The following ARHGAP26 variants were observed in gnomAD, a reference collection of about 807,000 sequenced individuals.
The protein encoded by ARHGAP26 is Rho GTPase activating protein 26, also known as rho GTPase-activating protein 26.
A neutral mutation model predicts 104.8 loss-of-function variants in ARHGAP26; 38 were observed. The observed-to-expected ratio is 0.36, with a 90% CI of 0.28 to 0.48. The LOEUF is 0.48. Ranked by LOEUF, ARHGAP26 falls within the 20% of genes least tolerant of loss-of-function variation. The pLI, the probability that ARHGAP26 is intolerant of heterozygous loss-of-function variation, is 0.99. For synonymous variants in ARHGAP26, 341 were observed against 340.0 expected, an observed-to-expected ratio of 1.00 and a Z score of -0.03; for missense variants, 704 against 947.9, an observed-to-expected ratio of 0.74 and a Z score of 3.38.
rs371053682 is a variant in ARHGAP26 at position 143,014,159 on chromosome 5, A to G, written c.1144+43A>G. 1.1e-5 allele frequency: 17 copies of G among 1,611,018 alleles called. No homozygotes were observed. In the African/African-American group the frequency reaches 2.0e-4, roughly 19 times the overall value. ...GTAACCTTCTACAGCCAGGGTTGGG[A>G]GTAGGCTTTGAGAAGTTGCTACTCC... is the stretch of plus-strand genomic sequence containing the variant. On this transcript the variant is annotated intron_variant, in intron 12 of 22. Coordinates refer to ENST00000645722, the MANE Select transcript of ARHGAP26 (RefSeq NM_001135608.3).
intron 1 of ARHGAP26, among the ~76,000 whole-genome samples, chr5:142,787,085 T>C (rs898669074): frequency 1.3e-5 from 2 of 152,208 alleles, no homozygotes; most frequent in African/African-American, 4.8e-5. Flanking sequence ...CCTGTTATAC[T>C]TCCTGTGTTA....
chr5:142,999,170 G>T (rs1362709251), intron 11 of ARHGAP26, among the ~76,000 whole-genome samples: 1 of 152,150 alleles, frequency 6.6e-6, no homozygotes, highest in Non-Finnish European at 1.5e-5. Context: ...GTTTGATCCG[G>T]GTCCCACAGT....
intron 17 of ARHGAP26, among the ~76,000 whole-genome samples, chr5:143,115,026 G>A (rs1049674558): frequency 1.3e-5 from 2 of 152,068 alleles, no homozygotes; most frequent in Non-Finnish European, 2.9e-5. Context: ...GTACTTATAG[G>A]GAAGTGATAG....
At chr5:143,112,587 C>G (rs1404783939) in intron 17 of ARHGAP26, among the ~76,000 whole-genome samples, 1 of 152,202 alleles carries the variant, frequency 6.6e-6, no homozygotes, top group African/African-American at 2.4e-5. Context: ...AACCGAAGCT[C>G]TGTATCCATT....
intron 18 of ARHGAP26, among the ~76,000 whole-genome samples, chr5:143,122,668 C>T (rs1463479977): frequency 6.6e-6 from 1 of 152,192 alleles, no homozygotes; most frequent in Non-Finnish European, 1.5e-5. Context: ...GAACAAAAAG[C>T]AGATTAATTG....
chr5:142,867,752 GACA>G (rs1160703272), intron 1 of ARHGAP26: 1 of 152,172 alleles, frequency 6.6e-6, no homozygotes, highest in Non-Finnish European at 1.5e-5. Flanking sequence ...TTCCTCAATG[GACA>G]ACATGAAGGG....
intron 11 of ARHGAP26, chr5:142,946,895 T>C (rs1376788173): frequency 6.6e-6 from 1 of 151,994 alleles, no homozygotes; most frequent in Admixed American, 6.5e-5. Context: ...TGTTCTAGTA[T>C]GGTTTTAAAA....
At chr5:142,868,310 A>G (rs1324194549) in intron 1 of ARHGAP26, among the ~76,000 whole-genome samples, 1 of 151,992 alleles carries the variant, frequency 6.6e-6, no homozygotes, top group Non-Finnish European at 1.5e-5. Flanking sequence ...GAGCCCAGAG[A>G]GGGGTGTGGG....
intron 1 of ARHGAP26, among the ~76,000 whole-genome samples, chr5:142,800,535 G>C (rs1597675738): frequency 6.6e-6 from 1 of 152,058 alleles, no homozygotes; most frequent in East Asian, 1.9e-4. Context: ...GCTAATTTTT[G>C]TATTTTTAGC....
At chr5:142,883,925 A>C (rs1359956785) in intron 4 of ARHGAP26, among the ~76,000 whole-genome samples, 1 of 152,202 alleles carries the variant, frequency 6.6e-6, no homozygotes. Context: ...CTGGTGCCTA[A>C]AGTAGAGCCT....
At chr5:143,057,226 A>G (rs1341538465) in intron 16 of ARHGAP26, among the ~76,000 whole-genome samples, 1 of 152,072 alleles carries the variant, frequency 6.6e-6, no homozygotes, top group Non-Finnish European at 1.5e-5. Context: ...TGTTATTTTG[A>G]TATTTGAAAC....
chr5:143,177,511 A>G (rs990192982), intron 20 of ARHGAP26, among the ~76,000 whole-genome samples: 1 of 152,188 alleles, frequency 6.6e-6, no homozygotes, highest in Non-Finnish European at 1.5e-5. Context: ...ACGTACATGT[A>G]TTTGATATGC....
At chr5:142,878,466 CTTCTT>C (rs1404782274) in intron 3 of ARHGAP26, among the ~76,000 whole-genome samples, 3 of 152,092 alleles carry the variant, frequency 2.0e-5, no homozygotes, top group East Asian at 1.9e-4. Context: ...TCTCAGCACT[CTTCTT>C]TGTTTTGGGG....
chr5:142,968,230 A>G (rs958959726), intron 11 of ARHGAP26, among the ~76,000 whole-genome samples: 2 of 152,186 alleles, frequency 1.3e-5, no homozygotes, highest in Non-Finnish European at 2.9e-5. Context: ...TAAGTATTTT[A>G]CCTAAATTCA....
intron 17 of ARHGAP26, among the ~76,000 whole-genome samples, chr5:143,094,309 T>C (rs1271799867): frequency 6.6e-6 from 1 of 152,234 alleles, no homozygotes; most frequent in Non-Finnish European, 1.5e-5. Flanking sequence ...TGCCACAGTA[T>C]GTGAGGATCC....
At chr5:142,790,612 A>G (rs924912625) in intron 1 of ARHGAP26, among the ~76,000 whole-genome samples, 11 of 152,168 alleles carry the variant, frequency 7.2e-5, no homozygotes, top group African/African-American at 2.7e-4. Flanking sequence ...GCGGCCTTGT[A>G]TGATCAGGCG....
intron 1 of ARHGAP26, among the ~76,000 whole-genome samples, chr5:142,775,672 G>A (rs913230012): frequency 2.6e-5 from 4 of 151,938 alleles, no homozygotes; most frequent in Admixed American, 1.3e-4. Flanking sequence ...CCTCTATTCT[G>A]CTGTCTGTAT....
intron 4 of ARHGAP26, among the ~76,000 whole-genome samples, 159 bp downstream of exon 4, chr5:142,879,604 C>T (rs928400706): frequency 4.6e-5 from 7 of 152,224 alleles, no homozygotes; most frequent in East Asian, 1.9e-4. Flanking sequence ...CCCAACTCAT[C>T]GGTTCTTTAC....
chr5:143,078,940 C>T (rs1428805201), intron 17 of ARHGAP26, among the ~76,000 whole-genome samples: 1 of 152,210 alleles, frequency 6.6e-6, no homozygotes, highest in Non-Finnish European at 1.5e-5. Flanking sequence ...ACCAAACTTC[C>T]AGACATGCAC....
Sources: allele counts gnomAD v4.1 joint callset (sites outside exome capture counted in the v4.1 genomes callset), GRCh38; gene constraint gnomAD v4.1.1; transcripts MANE v1.5; gene names NCBI Gene and HGNC (gene_info 2026-07-23, HGNC 2026-07-21).